FIBCD1: variants seen among roughly 807,000 people sequenced by gnomAD.
FIBCD1 encodes the protein fibrinogen C domain-containing protein 1.
A neutral mutation model predicts 45.1 loss-of-function variants in FIBCD1; 47 were observed. The observed-to-expected ratio is 1.04, with a 90% confidence interval of 0.82 to 1.33. The LOEUF (loss-of-function observed/expected upper bound fraction) is 1.33, where lower values mean the gene tolerates loss of function less well. FIBCD1 is among the 40% of genes most tolerant of loss of function. The pLI, the probability that FIBCD1 is intolerant of heterozygous loss-of-function variation, is 0.00. For missense variants in FIBCD1, 653 were observed against 682.2 expected (o/e 0.96, Z 0.48); for synonymous variants, 313 against 308.1 (o/e 1.02, Z -0.17).
intron 2 of FIBCD1, among the ~76,000 whole-genome samples, chr9:130,928,838 C>T (rs1832398837): frequency 6.6e-6 from 1 of 152,190 alleles, no homozygotes; most frequent in Admixed American, 6.5e-5. Flanking sequence ...ATTTCTAGGC[C>T]ACCATTTTCT....
intron 5 of FIBCD1, among the ~76,000 whole-genome samples, chr9:130,909,125 C>T (rs985510905): frequency 1.3e-5 from 2 of 152,100 alleles, no homozygotes; most frequent in Admixed American, 6.5e-5. Flanking sequence ...TGACCCCGCT[C>T]GCTCGCAGGG....
chr9:130,922,512 G>A lies in FIBCD1; in HGVS notation c.849+1232C>T, dbSNP rs1832278514. ...CAGCAGGACTCAGAGCCATGCCTGG[G>A]GCAGCCTGTGGATGACAGGGCCAGA... On this transcript the variant is annotated intron_variant, in intron 4 of 6. Coordinates refer to ENST00000372338, the MANE Select transcript of FIBCD1 (RefSeq NM_032843.5). This position sits in a 1 kb window ranked among gnomAD's most constrained non-coding sequence, Gnocchi z 4.5. 6.6e-6 allele frequency among the ~76,000 whole-genome samples: 1 copy of A among 152,064 alleles called. No individual in the cohort carries two copies. The highest frequency in any genetic ancestry group is 2.1e-4 in the South Asian group (1 of 4,822).
At chr9:130,910,239 CG>C (rs144742465) in intron 5 of FIBCD1, among the ~76,000 whole-genome samples, 58,634 of 152,068 alleles carry the variant, frequency 0.39, 13,276 homozygotes, top group African/African-American at 0.61. Flanking sequence ...CCGCTGGCCC[CG>C]GGGCAATGAG....
intron 1 of FIBCD1, among the ~76,000 whole-genome samples, chr9:130,930,395 T>C (rs1185000094): frequency 2.5e-5 from 3 of 120,396 alleles, no homozygotes; most frequent in Non-Finnish European, 3.6e-5. Flanking sequence ...CGGGGAGACA[T>C]GGGGAGATGC....
chr9:130,911,740 G>A, intron 5 of FIBCD1, 52 bp downstream of exon 5: 2 of 1,515,746 alleles, frequency 1.3e-6, no homozygotes, highest in Middle Eastern at 1.7e-4. Context: ...ACTGTGTCCG[G>A]AAGGCAGGGG....
At chr9:130,923,685 T>A in intron 4 of FIBCD1, 59 bp downstream of exon 4, 1 of 1,589,806 alleles carries the variant, frequency 6.3e-7, no homozygotes, top group Non-Finnish European at 8.5e-7. Flanking sequence ...CGGGTTCAGG[T>A]ACACAGCCTC....
chr9:130,903,896 T>G lies in FIBCD1; in HGVS notation c.*168A>C, dbSNP rs986364601. 1 of 844,500 alleles carries G rather than the reference T, an allele frequency of 1.2e-6. No individual in the cohort carries two copies. The highest frequency in any genetic ancestry group is 1.7e-5 in the African/African-American group (1 of 59,544). The allele number at this position is 844,500 out of a possible 1,614,324, so 52.3% of individuals were successfully genotyped here. A position where few individuals can be genotyped will look rare whatever the true frequency, so the allele number is the denominator to read the frequency against. On this transcript the variant is annotated 3_prime_UTR_variant, in exon 7 of 7. Coordinates refer to ENST00000372338, the MANE Select transcript of FIBCD1 (RefSeq NM_032843.5). The stretch of plus-strand genomic sequence containing the variant: ...GGGTGGGGACGGCGAGAAGGCGATG[T>G]GTGACTTCACCGGCCCAGGGAGCTT...
chr9:130,940,415 A>G (rs1441898005), upstream of FIBCD1, among the ~76,000 whole-genome samples: 1 of 152,272 alleles, frequency 6.6e-6, no homozygotes, highest in Non-Finnish European at 1.5e-5. Context: ...AGGATCCCAC[A>G]GCAATGGCTG....
chr9:130,912,387 T>C (rs1475193950), intron 4 of FIBCD1, among the ~76,000 whole-genome samples: 2 of 95,940 alleles, frequency 2.1e-5, no homozygotes, highest in Admixed American at 2.6e-4. Context: ...GCCTGGGCTC[T>C]CTCTCAAAAA....
At position 130,938,559 on chromosome 9, in the gene FIBCD1, C is replaced by T; in HGVS notation, c.49G>A (p.Asp17Asn). ...KTMGGAAQLE[D>N]RPRDKPQRPS... Reference sequence around the variant, plus strand: ...ACCTGCGGCTTGTCGCGCGGCCGGTCCTCAAGTTGGGCAGCGCCGCCCATG... The same window carrying T: ...ACCTGCGGCTTGTCGCGCGGCCGGTTCTCAAGTTGGGCAGCGCCGCCCATG... The change falls in exon 1 of 7, where the codon GAC becomes AAC. Residue 17 changes from aspartate to asparagine, a missense_variant. Asp to Asn is a conservative substitution (Grantham distance 23). Coordinates refer to ENST00000372338, the MANE Select transcript of FIBCD1 (RefSeq NM_032843.5). 6.7e-7 allele frequency: 1 copy of T among 1,490,898 alleles called. No homozygotes were observed. The highest frequency in any genetic ancestry group is 8.9e-7 in the Non-Finnish European group (1 of 1,125,864). 92.4% of individuals were successfully genotyped at this position (1,490,898 alleles called of 1,614,324 possible).
chr9:130,924,286 G>A lies in FIBCD1; in HGVS notation c.663C>T (p.Asp221=). The change falls in exon 3 of 7, where the codon GAC becomes GAT. Residue 221 remains aspartate, a synonymous_variant. Coordinates refer to ENST00000372338, the MANE Select transcript of FIBCD1 (RefSeq NM_032843.5). ...TTCCCCGGGCAGGCGCTCTCTGAAG[G>A]TCGGCCTTGTTGCGGGGCCGGCCCA... ...RGLGRPRNKA[D]LQRAPARGTR... 2 of 1,603,476 alleles carry A rather than the reference G, an allele frequency of 1.2e-6. No individual in the cohort carries two copies. Among genetic ancestry groups the A allele is most frequent in the Non-Finnish European group, 1.7e-6 (2 of 1,176,620 alleles).
chr9:130,938,323 G>A, intron 1 of FIBCD1: 1 of 431,438 alleles, frequency 2.3e-6, no homozygotes. Flanking sequence ...CAGCGCGCGT[G>A]GCTCCTGCAG....
rs1338813229 is a variant in FIBCD1 at position 130,929,739 on chromosome 9, C to T, written c.380G>A (p.Arg127Gln). Residue 127 changes from arginine (R) to glutamine (Q), a missense_variant, in exon 2 of 7, where the codon CGG (arginine) becomes CAG (glutamine). Physicochemically the swap from Arg to Gln is conservative, Grantham distance 43. Coordinates refer to ENST00000372338, the MANE Select transcript of FIBCD1 (RefSeq NM_032843.5). ...CTCCTGCTCCTGGTCGCCCACCAGC[C>T]GTGGCTGGGCCTGGTGCTCTGTCAG... ...QALTEHQAQP[R>Q]LVGDQEQELL... is the part of the protein sequence containing the mutation. 1.3e-6 allele frequency: 2 copies of T among 1,573,748 alleles called. No homozygotes were observed. Among genetic ancestry groups the T allele is most frequent in the African/African-American group, 1.4e-5 (1 of 73,882 alleles).
rs2133117205 is a variant in FIBCD1, at chr9:130,929,607, C to A, written c.512G>T (p.Gly171Val). Residue 171 changes from glycine to valine, a missense_variant, in exon 2 of 7, where the codon GGC becomes GTC. Gly to Val is a moderately radical substitution (Grantham distance 109). Coordinates refer to ENST00000372338, the MANE Select transcript of FIBCD1 (RefSeq NM_032843.5). The part of the protein sequence containing the change: ...LRKGHGTLGQ[G>V]LSALQSEQGR... ...CTGCTCACTCTGCAGGGCGCTGAGG[C>A]CCTGGCCCAGCGTGCCATGCCCCTT... 1 of 1,527,834 alleles carries A rather than the reference C, an allele frequency of 6.5e-7. No individual in the cohort carries two copies. Among genetic ancestry groups the A allele is most frequent in the East Asian group, 2.3e-5 (1 of 43,762 alleles). 94.6% of individuals were successfully genotyped at this position (1,527,834 alleles called of 1,614,324 possible). A position where few individuals can be genotyped will look rare whatever the true frequency, so the allele number is the denominator to read the frequency against.
rs1041126679 is a variant in FIBCD1 at position 130,904,412 on chromosome 9, C to T, written c.1127-89G>A. ...TGTGAGCAGACACCGAGACACTGCACGTGCACCTGGACGTGAGTGCATACA... is the reference window on the plus strand; with the variant it reads ...TGTGAGCAGACACCGAGACACTGCATGTGCACCTGGACGTGAGTGCATACA... On this transcript the variant is annotated intron_variant, in intron 6 of 6. Transcript: ENST00000372338. The T allele has an allele frequency of 1.9e-5, 28 of 1,508,208 alleles. No homozygotes were observed. In the African/African-American group the frequency reaches 3.2e-4, roughly 17 times the overall value. The allele number at this position is 1,508,208 out of a possible 1,614,324, so 93.4% of individuals were successfully genotyped here. A position where few individuals can be genotyped will look rare whatever the true frequency, so the allele number is the denominator to read the frequency against.
chr9:130,923,972 T>C (rs781230817), intron 3 of FIBCD1, 92 bp from the exon 4 acceptor site: 5 of 1,562,046 alleles, frequency 3.2e-6, no homozygotes, highest in Non-Finnish European at 4.3e-6. Flanking sequence ...ATAATGCATG[T>C]GGGGTCCCAT....
rs539784973 is a variant in FIBCD1, at chr9:130,917,540, C to T, written c.850-5652G>A. 1.3e-3 allele frequency among the ~76,000 whole-genome samples: 205 copies of T among 152,286 alleles called. 2 individuals are homozygous for T. Among genetic ancestry groups the T allele is most frequent in the African/African-American group, 4.8e-3 (201 of 41,552 alleles). On this transcript the variant is annotated intron_variant, in intron 4 of 6. Coordinates refer to ENST00000372338, the MANE Select transcript of FIBCD1 (RefSeq NM_032843.5). ...GTGTTGTCAGATGGGGCCTGGGGACCGAGGGAGGCGGAGATGCCTCTGGGC... is the reference window on the plus strand; with the variant it reads ...GTGTTGTCAGATGGGGCCTGGGGACTGAGGGAGGCGGAGATGCCTCTGGGC...
chr9:130,929,455 T>G, intron 2 of FIBCD1, 112 bp downstream of exon 2: 8 of 1,360,152 alleles, frequency 5.9e-6, no homozygotes, highest in Non-Finnish European at 7.7e-6. Flanking sequence ...GCCCCTTGTC[T>G]GGGGCCTTGG....
intron 5 of FIBCD1, among the ~76,000 whole-genome samples, chr9:130,909,315 C>CACACCCT (rs986965742): frequency 1.3e-5 from 2 of 149,866 alleles, no homozygotes; most frequent in Non-Finnish European, 3.0e-5. Context: ...CCTGGATGTC[C>CACACCCT]GCACACACCC....
Sources: allele counts gnomAD v4.1 joint callset (sites outside exome capture counted in the v4.1 genomes callset), GRCh38; gene constraint gnomAD v4.1.1; non-coding constraint Gnocchi (gnomAD v3.1); transcripts MANE v1.5; gene names NCBI Gene and HGNC (gene_info 2026-07-23, HGNC 2026-07-21).